Variants in MS4A7 observed in about 807,000 individuals in gnomAD.
The protein encoded by MS4A7 is membrane spanning 4-domains A7.
In MS4A7, 21 loss-of-function variants were observed where a neutral mutation model predicts 23.5. The observed-to-expected ratio is 0.89, with a 90% CI of 0.63 to 1.29. MS4A7 has a LOEUF of 1.29. Ranked by LOEUF, MS4A7 falls within the 50% of genes most tolerant of loss-of-function variation. The probability of loss-of-function intolerance (pLI) is 0.00; values close to 1 mark genes in which losing one functional copy is unlikely to be tolerated. For missense variants in MS4A7, 263 were observed against 274.2 expected, an observed-to-expected ratio of 0.96 and a Z score of 0.29; for synonymous variants, 111 against 107.4, an observed-to-expected ratio of 1.03 and a Z score of -0.21.
At chr11:60,384,971 C>T in intron 2 of MS4A7, 117 bp from the exon 3 acceptor site, 2 of 973,698 alleles carry the variant, frequency 2.1e-6, no homozygotes, top group African/African-American at 1.6e-5. Flanking sequence ...CATTTTTCCT[C>T]TTTAATATAA....
chr11:60,395,430 C>G lies in MS4A7; in HGVS notation c.*1569C>G, dbSNP rs1351101544. On this transcript the variant is annotated 3_prime_UTR_variant, in exon 7 of 7. Coordinates refer to ENST00000300184, the MANE Select transcript of MS4A7 (RefSeq NM_021201.5). The stretch of plus-strand genomic sequence containing the variant: ...TGAGATACCCTGCTATCGATGGTCG[C>G]TACAAACCAGGAAATACTCAAGTTA... 1 of 152,352 alleles carries G rather than the reference C, an allele frequency of 6.6e-6. No individual in the cohort carries two copies. The highest frequency in any genetic ancestry group is 1.5e-5 in the Non-Finnish European group (1 of 68,190). 9.4% of individuals were successfully genotyped at this position (152,352 alleles called of 1,614,324 possible). A position where few individuals can be genotyped will look rare whatever the true frequency, so the allele number is the denominator to read the frequency against.
chr11:60,395,216 G>A lies in MS4A7; in HGVS notation c.*1355G>A, dbSNP rs1412061490. The A allele has an allele frequency of 4.8e-5, 15 of 313,744 alleles. No individual in the cohort carries two copies. The highest frequency in any genetic ancestry group is 5.8e-5 in the Non-Finnish European group (10 of 173,292). 19.4% of individuals were successfully genotyped at this position (313,744 alleles called of 1,614,324 possible). On this transcript the variant is annotated 3_prime_UTR_variant, in exon 7 of 7. Coordinates refer to ENST00000300184, the MANE Select transcript of MS4A7 (RefSeq NM_021201.5). ...GTTCTTTGTGTAATATGTTCTGTGT[G>A]AGCCTCTGCATTAAACTCGATTTCT...
Position 60,389,283 on chromosome 11 carries a change from G to A in MS4A7, c.340-107G>A, listed in dbSNP as rs2289615. On this transcript the variant is annotated intron_variant, in intron 4 of 6. Coordinates refer to ENST00000300184, the MANE Select transcript of MS4A7 (RefSeq NM_021201.5). ...AGTTTGTGCCCACACAAGGAAACAG[G>A]AAGGAAACAGACCCAAGGAAGCACC... The A allele has an allele frequency of 4.2e-3, 3,566 of 840,658 alleles. 73 individuals are homozygous for A. Among genetic ancestry groups the A allele is most frequent in the East Asian group, 0.038 (1,460 of 38,544 alleles). 52.1% of individuals were successfully genotyped at this position (840,658 alleles called of 1,614,324 possible). A position where few individuals can be genotyped will look rare whatever the true frequency, so the allele number is the denominator to read the frequency against.
At chr11:60,379,782 G>A (rs775541313) in intron 1 of MS4A7, among the ~76,000 whole-genome samples, 22 of 151,998 alleles carry the variant, frequency 1.4e-4, no homozygotes, top group Non-Finnish European at 2.4e-4. Context: ...TGATCTGCCC[G>A]CCTCGGCCTC....
chr11:60,384,561 G>C (rs60819419), intron 2 of MS4A7, among the ~76,000 whole-genome samples: 3,205 of 152,238 alleles, frequency 0.021, 135 homozygotes, highest in African/African-American at 0.071. Flanking sequence ...TCTTTCAATT[G>C]CACATGCATT....
At chr11:60,385,301 T>A in intron 3 of MS4A7, 79 bp downstream of exon 3, 1 of 1,543,790 alleles carries the variant, frequency 6.5e-7, no homozygotes, top group South Asian at 1.2e-5. Context: ...TGACTCAGAC[T>A]CCAAGAGGCC....
intron 2 of MS4A7, among the ~76,000 whole-genome samples, chr11:60,383,974 T>C (rs2085457936): frequency 6.6e-6 from 1 of 152,226 alleles, no homozygotes; most frequent in Non-Finnish European, 1.5e-5. Context: ...AAGACTAATC[T>C]CATGACCCAT....
chr11:60,386,848 A>G (rs944234465), intron 4 of MS4A7, 75 bp downstream of exon 4: 3 of 1,259,850 alleles, frequency 2.4e-6, no homozygotes, highest in Non-Finnish European at 3.4e-6. Flanking sequence ...TAGTTTAAAA[A>G]TCCCTATTTT....
At chr11:60,383,004 G>C (rs2085446381) in intron 1 of MS4A7, 125 bp from the exon 2 acceptor site, 1 of 1,046,650 alleles carries the variant, frequency 9.6e-7, no homozygotes, top group Admixed American at 2.2e-5. Context: ...TTTTGTTTCT[G>C]AAGGACAACC....
intron 5 of MS4A7, chr11:60,389,884 G>A (rs17154896): frequency 0.026 from 10,091 of 384,170 alleles, 898 homozygotes; most frequent in African/African-American, 0.19. Context: ...AACTCTTAAA[G>A]TACAACCTTT....
intron 1 of MS4A7, among the ~76,000 whole-genome samples, chr11:60,382,060 TTTAACTAAACTC>T (rs1362984387): frequency 6.6e-6 from 1 of 152,218 alleles, no homozygotes; most frequent in Non-Finnish European, 1.5e-5. Context: ...ATGACAAGCC[TTTAACTAAACTC>T]TGGCCTTCAG....
At position 60,387,043 on chromosome 11, in the gene MS4A7, G is replaced by C. The variant is rs780691064; in HGVS notation, c.339+270G>C. Among the ~76,000 whole-genome samples, 78 of 152,234 alleles carry C rather than the reference G, an allele frequency of 5.1e-4. 1 individual carries two copies. In the Middle Eastern group the frequency reaches 0.031, roughly 60 times the overall value. ...GAGGTTTACCTCAGTTATTTAAAAAGTGTACATTTTTAAATGTACCATGGA... is the reference window on the plus strand; with the variant it reads ...GAGGTTTACCTCAGTTATTTAAAAACTGTACATTTTTAAATGTACCATGGA... On this transcript the variant is annotated intron_variant, in intron 4 of 6. Coordinates refer to ENST00000300184, the MANE Select transcript of MS4A7 (RefSeq NM_021201.5).
chr11:60,387,524 G>C (rs997325005), intron 4 of MS4A7, among the ~76,000 whole-genome samples: 1 of 152,112 alleles, frequency 6.6e-6, no homozygotes, highest in Admixed American at 6.5e-5. Context: ...TCCATCCAAA[G>C]ACTCATGCTT....
At position 60,381,301 on chromosome 11, in the gene MS4A7, C is replaced by T. The variant is rs1392666759; in HGVS notation, c.-13-1828C>T. Among the ~76,000 whole-genome samples, 4 of 152,258 alleles carry T rather than the reference C, an allele frequency of 2.6e-5. No homozygotes were observed. The East Asian group carries it at 5.8e-4, about 22-fold the overall frequency. Reference sequence around the variant, plus strand: ...CATGTAACCTCACCCACACTTCTACCCAGATTTCAAAATTCCAAGAAATGA... The same window carrying T: ...CATGTAACCTCACCCACACTTCTACTCAGATTTCAAAATTCCAAGAAATGA... On this transcript the variant is annotated intron_variant, in intron 1 of 6. Coordinates refer to ENST00000300184, the MANE Select transcript of MS4A7 (RefSeq NM_021201.5).
intron 4 of MS4A7, among the ~76,000 whole-genome samples, chr11:60,386,978 C>T (rs1322356477): frequency 6.6e-6 from 1 of 152,216 alleles, no homozygotes; most frequent in African/African-American, 2.4e-5. Flanking sequence ...GCTCTTTCGT[C>T]TACACAATGT....
chr11:60,389,826 C>G, intron 5 of MS4A7: 1 of 524,220 alleles, frequency 1.9e-6, no homozygotes, highest in South Asian at 2.1e-5. Flanking sequence ...GGAGTCTATC[C>G]CTCCACTGGT....
In MS4A7 at chr11:60,383,279, C is replaced by G. The variant is rs779202459; in HGVS notation, c.138C>G (p.Thr46=). The change falls in exon 2 of 7, where the codon ACC becomes ACG. Residue 46 remains threonine, a synonymous_variant. Transcript: ENST00000300184. ...YLQNGLPTET[T]VLGTVQILCC... is the part of the protein sequence containing the mutation. Reference sequence around the variant, plus strand: ...AGAACGGGCTGCCAACAGAAACCACCGTTCTTGGGGTAAGTCCACCTCATT... The same window carrying G: ...AGAACGGGCTGCCAACAGAAACCACGGTTCTTGGGGTAAGTCCACCTCATT... 6.2e-7 allele frequency: 1 copy of G among 1,614,032 alleles called. No individual in the cohort carries two copies. The highest frequency in any genetic ancestry group is 8.5e-7 in the Non-Finnish European group (1 of 1,179,964).
intron 2 of MS4A7, among the ~76,000 whole-genome samples, chr11:60,384,675 A>C (rs1178235881): frequency 6.6e-6 from 1 of 152,260 alleles, no homozygotes; most frequent in Non-Finnish European, 1.5e-5. Context: ...GAACAAAATA[A>C]GATGAATTAC....
chr11:60,382,502 G>A (rs2085441485), intron 1 of MS4A7, among the ~76,000 whole-genome samples: 1 of 152,192 alleles, frequency 6.6e-6, no homozygotes, highest in Admixed American at 6.5e-5. Flanking sequence ...TTGTTATAAG[G>A]ATTAGAGCTG....
Sources: gnomAD v4.1 joint callset for allele counts (sites outside exome capture counted in the v4.1 genomes callset) on GRCh38, gnomAD v4.1.1 for gene constraint, MANE v1.5 for transcripts, NCBI Gene and HGNC (gene_info 2026-07-23, HGNC 2026-07-21) for gene names.